FSIP2: variants seen among roughly 807,000 people sequenced by gnomAD.
FSIP2 encodes fibrous sheath interacting protein 2.
In FSIP2, 367 loss-of-function variants were observed where a neutral mutation model predicts 510.5. The observed-to-expected ratio is 0.72, with a 90% CI of 0.66 to 0.78. The LOEUF (loss-of-function observed/expected upper bound fraction) is 0.78, where lower values mean the gene tolerates loss of function less well. FSIP2 is among the 30% of genes least tolerant of loss of function. FSIP2 has a pLI of 0.00. For missense variants in FSIP2, 7,594 were observed against 7,901.7 expected (o/e 0.96, Z 1.48); for synonymous variants, 2,601 against 2,732.2 (o/e 0.95, Z 1.50).
At chr2:185,829,102 A>G (rs1208784634) in intron 21 of FSIP2, among the ~76,000 whole-genome samples, 1 of 151,916 alleles carries the variant, frequency 6.6e-6, no homozygotes, top group South Asian at 2.1e-4. Flanking sequence ...TGGCAACAGA[A>G]GGGAAATGCT....
intron 13 of FSIP2, among the ~76,000 whole-genome samples, chr2:185,776,287 AG>A (rs1210010292): frequency 1.3e-5 from 2 of 152,064 alleles, no homozygotes; most frequent in African/African-American, 2.4e-5. Context: ...AAATAAAATG[AG>A]AAAAATTAAA....
At chr2:185,743,972 C>G (rs572644804) in intron 3 of FSIP2, among the ~76,000 whole-genome samples, 1 of 151,998 alleles carries the variant, frequency 6.6e-6, no homozygotes, top group East Asian at 1.9e-4. Flanking sequence ...GTAGCTGGGA[C>G]TACAGGCACA....
In FSIP2 at chr2:185,794,976, T is replaced by G. The variant is rs977963766; in HGVS notation, c.7840T>G (p.Ser2614Ala). The change falls in exon 16 of 23, where the codon TCT (serine) becomes GCT (alanine). Residue 2614 changes from serine to alanine, a missense_variant. Transcript: ENST00000424728. ...AYSYVDSQNI[S>A]VMENTLLPYL... ...TTCTTATGTCGACAGTCAAAATATCTCTGTGATGGAAAACACTCTTTTGCC... is the reference window on the plus strand; with the variant it reads ...TTCTTATGTCGACAGTCAAAATATCGCTGTGATGGAAAACACTCTTTTGCC... The G allele has an allele frequency of 2.6e-6, 4 of 1,533,552 alleles. No homozygotes were observed. The highest frequency in any genetic ancestry group is 8.7e-7 in the Non-Finnish European group (1 of 1,145,446). The allele number at this position is 1,533,552 out of a possible 1,614,324, so 95.0% of individuals were successfully genotyped here. A position where few individuals can be genotyped will look rare whatever the true frequency, so the allele number is the denominator to read the frequency against.
chr2:185,762,075 T>C (rs1692363459), intron 11 of FSIP2, 58 bp downstream of exon 11: 11 of 781,434 alleles, frequency 1.4e-5, no homozygotes, highest in Non-Finnish European at 2.0e-5. Context: ...ATTATAGTTT[T>C]ATTATATATT....
At position 185,793,774 on chromosome 2, in the gene FSIP2, G is replaced by GT. The variant is rs1240298259; in HGVS notation, c.6643dup (p.Ser2215PhefsTer12). On this transcript the variant is annotated frameshift_variant, in exon 16 of 23. Coordinates refer to ENST00000424728, the MANE Select transcript of FSIP2 (RefSeq NM_173651.4). LOFTEE classifies it high-confidence loss of function. The stretch of plus-strand genomic sequence containing the variant: ...TCAAAAACTGAAAGAAAAACAGAGC[G>GT]TTTTTCATATTCAAGAAATCAGAAA... 1.3e-6 allele frequency: 2 copies of GT among 1,532,464 alleles called. No individual in the cohort carries two copies. 94.9% of individuals were successfully genotyped at this position (1,532,464 alleles called of 1,614,324 possible). A position where few individuals can be genotyped will look rare whatever the true frequency, so the allele number is the denominator to read the frequency against.
At chr2:185,833,044 T>C (rs1387506854) in intron 22 of FSIP2, 46 bp from the exon 23 acceptor site, 9 of 1,580,054 alleles carry the variant, frequency 5.7e-6, no homozygotes, top group African/African-American at 1.4e-5. Flanking sequence ...TTTACCTCAG[T>C]GTTCAAAAAT....
intron 15 of FSIP2, among the ~76,000 whole-genome samples, chr2:185,787,112 A>G (rs1693006716): frequency 6.6e-6 from 1 of 151,828 alleles, no homozygotes; most frequent in Admixed American, 6.6e-5. Context: ...TGAATGTCTT[A>G]GTTTATAATT....
Position 185,797,294 on chromosome 2 carries a change from T to C in FSIP2, c.10158T>C (p.Asp3386=). 1 of 1,532,270 alleles carries C rather than the reference T, an allele frequency of 6.5e-7. No homozygotes were observed. Among genetic ancestry groups the C allele is most frequent in the Non-Finnish European group, 8.7e-7 (1 of 1,145,626 alleles). The allele number at this position is 1,532,270 out of a possible 1,614,324, so 94.9% of individuals were successfully genotyped here. A position where few individuals can be genotyped will look rare whatever the true frequency, so the allele number is the denominator to read the frequency against. Residue 3386 remains aspartate (D), a synonymous_variant, in exon 16 of 23, where the codon GAT becomes GAC. Transcript: ENST00000424728. ...AAAAAAGTTTGCTTAGAATGCAGGA[T>C]AAAAAAATCAACTATATACCTGAGG... is the stretch of plus-strand genomic sequence containing the variant. ...DNEKSLLRMQ[D]KKINYIPEEE...
rs371267752 is a variant in FSIP2, at chr2:185,796,204, C to T, written c.9068C>T (p.Pro3023Leu). 17 of 1,530,038 alleles carry T rather than the reference C, an allele frequency of 1.1e-5. No individual in the cohort carries two copies. The East Asian group carries it at 2.0e-4, about 18-fold the overall frequency. The allele number at this position is 1,530,038 out of a possible 1,614,324, so 94.8% of individuals were successfully genotyped here. A position where few individuals can be genotyped will look rare whatever the true frequency, so the allele number is the denominator to read the frequency against. ...GAGTTTTCTGAAATTGTGAAAATGC[C>T]TATAGAAAACCTTTCTTCTATCCAA... ...KYEFSEIVKM[P>L]IENLSSIQQK... Residue 3023 changes from proline to leucine, a missense_variant, in exon 16 of 23, where the codon CCT becomes CTT. Pro to Leu is a moderately conservative substitution (Grantham distance 98). Coordinates refer to ENST00000424728, the MANE Select transcript of FSIP2 (RefSeq NM_173651.4).
At chr2:185,741,398 AG>A (rs1217727801) in intron 2 of FSIP2, among the ~76,000 whole-genome samples, 1 of 152,224 alleles carries the variant, frequency 6.6e-6, no homozygotes, top group Non-Finnish European at 1.5e-5. Context: ...AATTGTCAAT[AG>A]AAAAGTTACT....
At chr2:185,815,277 A>G in intron 18 of FSIP2, 94 bp from the exon 19 acceptor site, 1 of 645,740 alleles carries the variant, frequency 1.5e-6, no homozygotes. Flanking sequence ...ACTTTTTTCC[A>G]TTAAAATGTA....
Position 185,773,333 on chromosome 2 carries a change from T to C in FSIP2, c.1411+8768T>C, listed in dbSNP as rs80222558. ...TTGAATATTTTATGTCATTCTCTTC[T>C]GGCGTGTAAGGTTTCTGCTGAGAAA... On this transcript the variant is annotated intron_variant, in intron 13 of 22. Transcript: ENST00000424728. Among the ~76,000 whole-genome samples, 1,103 of 152,352 alleles carry C rather than the reference T, an allele frequency of 7.2e-3. 13 individuals carry two copies. Among genetic ancestry groups the C allele is most frequent in the African/African-American group, 0.025 (1,060 of 41,588 alleles).
At chr2:185,737,429 G>T (rs1574146900), upstream of FSIP2, among the ~76,000 whole-genome samples, 1 of 152,178 alleles carries the variant, frequency 6.6e-6, no homozygotes, top group African/African-American at 2.4e-5. Context: ...GTGGCAGGGA[G>T]ATGTTATAAG....
rs1692388792 is a variant in FSIP2, at chr2:185,763,109, G to C, written c.1241-74G>C. On this transcript the variant is annotated intron_variant, in intron 11 of 22. Coordinates refer to ENST00000424728, the MANE Select transcript of FSIP2 (RefSeq NM_173651.4). The stretch of plus-strand genomic sequence containing the variant: ...TGAGCAGGGAGAATGTTGGAGTAAT[G>C]CTGTAAATTAATATTAACCCTTGTC... The C allele has an allele frequency of 1.8e-5, 13 of 707,364 alleles. 1 individual carries two copies. The South Asian group carries it at 2.0e-4, about 11-fold the overall frequency. The allele number at this position is 707,364 out of a possible 1,614,324, so 43.8% of individuals were successfully genotyped here.
chr2:185,813,094 A>G (rs1280642907), intron 17 of FSIP2, among the ~76,000 whole-genome samples: 4 of 152,054 alleles, frequency 2.6e-5, no homozygotes, highest in Admixed American at 6.6e-5. Context: ...TTTTAAAACC[A>G]TTATTTGGGG....
chr2:185,795,654 T>A lies in FSIP2; in HGVS notation c.8518T>A (p.Leu2840Met). The part of the protein sequence containing the change: ...IFPREGIFKK[L>M]FDKWQTESND... ...TCCTAGAGAAGGTATATTTAAAAAA[T>A]TGTTTGACAAGTGGCAAACAGAATC... The change falls in exon 16 of 23, where the codon TTG (leucine) becomes ATG (methionine). Residue 2840 changes from leucine (L) to methionine (M), a missense_variant. Leu to Met is a conservative substitution (Grantham distance 15). Coordinates refer to ENST00000424728, the MANE Select transcript of FSIP2 (RefSeq NM_173651.4). The A allele has an allele frequency of 6.5e-7, 1 of 1,534,238 alleles. No homozygotes were observed. The highest frequency in any genetic ancestry group is 1.4e-5 in the African/African-American group (1 of 72,972).
intron 11 of FSIP2, 148 bp downstream of exon 11, chr2:185,762,165 A>G (rs1256908681): frequency 6.0e-6 from 3 of 500,198 alleles, no homozygotes; most frequent in African/African-American, 5.8e-5. Context: ...GAATATAGAT[A>G]TTATAATTAG....
chr2:185,791,988 G>A lies in FSIP2; in HGVS notation c.4852G>A (p.Gly1618Ser). Reference protein sequence around the residue: ...NDGNKKSNKIGWEYESTNISR... With the variant: ...NDGNKKSNKISWEYESTNISR... ...TGGAAATAAGAAAAGCAATAAGATAGGCTGGGAATATGAAAGCACCAATAT... is the reference window on the plus strand; with the variant it reads ...TGGAAATAAGAAAAGCAATAAGATAAGCTGGGAATATGAAAGCACCAATAT... The change falls in exon 16 of 23, where the codon GGC becomes AGC. Residue 1618 changes from glycine (G) to serine (S), a missense_variant. Gly to Ser is a moderately conservative substitution (Grantham distance 56). Coordinates refer to ENST00000424728, the MANE Select transcript of FSIP2 (RefSeq NM_173651.4). 6.5e-7 allele frequency: 1 copy of A among 1,533,930 alleles called. No homozygotes were observed. The highest frequency in any genetic ancestry group is 1.4e-5 in the African/African-American group (1 of 72,970).
In FSIP2 at chr2:185,789,810, A is replaced by G. The variant is rs1397365919; in HGVS notation, c.2674A>G (p.Ile892Val). 7 of 1,533,394 alleles carry G rather than the reference A, an allele frequency of 4.6e-6. No individual in the cohort carries two copies. In the African/African-American group the frequency reaches 5.5e-5, roughly 12 times the overall value. The allele number at this position is 1,533,394 out of a possible 1,614,324, so 95.0% of individuals were successfully genotyped here. Residue 892 changes from isoleucine (I) to valine (V), a missense_variant, in exon 16 of 23, where the codon ATA (isoleucine) becomes GTA (valine). Coordinates refer to ENST00000424728, the MANE Select transcript of FSIP2 (RefSeq NM_173651.4). ...LIVNEEVQNL[I>V]SNIFSQSSLV... ...TGTCAATGAAGAAGTACAAAATTTAATATCAAATATTTTTTCCCAGTCTTC... is the reference window on the plus strand; with the variant it reads ...TGTCAATGAAGAAGTACAAAATTTAGTATCAAATATTTTTTCCCAGTCTTC...
Sources: gnomAD v4.1 joint callset for allele counts (sites outside exome capture counted in the v4.1 genomes callset) on GRCh38, gnomAD v4.1.1 for gene constraint, MANE v1.5 for transcripts, NCBI Gene and HGNC (gene_info 2026-07-23, HGNC 2026-07-21) for gene names.